Variants in CACNA1H observed in about 807,000 individuals in gnomAD.
CACNA1H encodes the protein voltage-dependent T-type calcium channel subunit alpha-1H.
In CACNA1H, 149 loss-of-function variants were observed where a neutral mutation model predicts 192.5. The observed-to-expected ratio is 0.77, with a 90% CI of 0.68 to 0.89. CACNA1H has a LOEUF of 0.89. Among genes scored for constraint, CACNA1H ranks in the 40% least tolerant of loss-of-function variants. CACNA1H has a pLI of 0.00. For synonymous variants in CACNA1H, 2,202 were observed against 1,475.2 expected, an observed-to-expected ratio of 1.49 and a Z score of -11.29; for missense variants, 4,257 against 3,423.5, an observed-to-expected ratio of 1.24 and a Z score of -6.08.
rs530140454 is a variant in CACNA1H at position 1,195,918 on chromosome 16, G to A, written c.546-8G>A. 2.8e-5 allele frequency: 45 copies of A among 1,608,472 alleles called. No individual in the cohort carries two copies. Among genetic ancestry groups the A allele is most frequent in the Non-Finnish European group, 3.1e-5 (36 of 1,176,610 alleles). On this transcript the variant is annotated splice_polypyrimidine_tract_variant and splice_region_variant and intron_variant, in intron 4 of 34. Transcript: ENST00000348261. The stretch of plus-strand genomic sequence containing the variant: ...TGTTGAGCTGCTCCCCCTCGGCCCC[G>A]CCCCCAGCATGATGGAGTACTCGTT...
At chr16:1,193,916 G>C (rs894001545) in intron 2 of CACNA1H, among the ~76,000 whole-genome samples, 6 of 152,242 alleles carry the variant, frequency 3.9e-5, no homozygotes, top group Admixed American at 6.5e-5. Context: ...TGCCCTTCCT[G>C]TGATCCCTGA....
At position 1,207,763 on chromosome 16, in the gene CACNA1H, G is replaced by C; in HGVS notation, c.3064-7G>C. 6.3e-7 allele frequency: 1 copy of C among 1,589,656 alleles called. No homozygotes were observed. Among genetic ancestry groups the C allele is most frequent in the Non-Finnish European group, 8.6e-7 (1 of 1,168,690 alleles). ...CTCATGCCTGCCTTGTGCTTTGTTGGGTTTAGGGCGATGCCAACAGATCCG... is the reference window on the plus strand; with the variant it reads ...CTCATGCCTGCCTTGTGCTTTGTTGCGTTTAGGGCGATGCCAACAGATCCG... On this transcript the variant is annotated splice_region_variant and splice_polypyrimidine_tract_variant and intron_variant, in intron 14 of 34. Coordinates refer to ENST00000348261, the MANE Select transcript of CACNA1H (RefSeq NM_021098.3).
intron 9 of CACNA1H, 97 bp downstream of exon 9, chr16:1,202,549 CTGA>C: frequency 9.4e-7 from 1 of 1,069,154 alleles, no homozygotes; most frequent in Non-Finnish European, 1.3e-6. Context: ...TGTGGGCACT[CTGA>C]TGAGCCCAGC....
At chr16:1,208,258 T>C in intron 16 of CACNA1H, 37 bp downstream of exon 16, 1 of 1,475,772 alleles carries the variant, frequency 6.8e-7, no homozygotes, top group Non-Finnish European at 9.2e-7. Context: ...TCAGGCCCCT[T>C]CAGGTTTTCC....
rs745368829 is a variant in CACNA1H, at chr16:1,206,278, T to C, written c.2778T>C (p.Ile926=). 4.5e-5 allele frequency: 70 copies of C among 1,557,390 alleles called. No individual in the cohort carries two copies. Among genetic ancestry groups the C allele is most frequent in the Non-Finnish European group, 5.8e-5 (67 of 1,151,746 alleles). Residue 926 remains isoleucine, a synonymous_variant, in exon 12 of 35, where the codon ATT becomes ATC. Coordinates refer to ENST00000348261, the MANE Select transcript of CACNA1H (RefSeq NM_021098.3). ...ATFCTLLMLF[I]FIFSILGMHL... ...TCTGCACGCTGCTCATGCTCTTCAT[T>C]TTCATCTTCAGGTGGGCGCAACCCC...
intron 24 of CACNA1H, 70 bp downstream of exon 24, chr16:1,211,875 C>G (rs1969489300): frequency 6.2e-7 from 1 of 1,609,728 alleles, no homozygotes; most frequent in African/African-American, 1.3e-5. Flanking sequence ...CCTCTGGGGA[C>G]TCGGGGGGCC....
Position 1,206,016 on chromosome 16 carries a change from C to A in CACNA1H, c.2604-88C>A, listed in dbSNP as rs117673391. The A allele has an allele frequency of 0.052, 68,434 of 1,306,112 alleles. 2,211 individuals are homozygous for A. The highest frequency in any genetic ancestry group is 0.065 in the Middle Eastern group (252 of 3,882). 80.9% of individuals were successfully genotyped at this position (1,306,112 alleles called of 1,614,324 possible). A position where few individuals can be genotyped will look rare whatever the true frequency, so the allele number is the denominator to read the frequency against. On this transcript the variant is annotated intron_variant, in intron 11 of 34. Transcript: ENST00000348261. ...GGATGCAGCACAGGCCGCTGTGGCT[C>A]CCTGGCTGGTGACCCTGCTTCCAGT...
At chr16:1,211,396 C>T (rs1310187548) in intron 22 of CACNA1H, 85 bp from the exon 23 acceptor site, 2 of 1,606,632 alleles carry the variant, frequency 1.2e-6, no homozygotes, top group Non-Finnish European at 1.7e-6. Context: ...GGAGGGACAG[C>T]TCGGGCCTCA....
At chr16:1,208,891 TCA>T in intron 16 of CACNA1H, 139 bp from the exon 17 acceptor site, 1 of 924,084 alleles carries the variant, frequency 1.1e-6, no homozygotes, top group African/African-American at 1.7e-5. Flanking sequence ...CCCCCTAAAA[TCA>T]CAGCCTCCAC....
At chr16:1,212,285 G>T in intron 25 of CACNA1H, 147 bp downstream of exon 25, 2 of 1,299,980 alleles carry the variant, frequency 1.5e-6, no homozygotes, top group Non-Finnish European at 2.1e-6. Context: ...GCTGGGCCTT[G>T]GAGGGGCTGG....
intron 6 of CACNA1H, 175 bp downstream of exon 6, chr16:1,198,949 CCCATCATGGCTCCG>C: frequency 3.2e-6 from 2 of 625,948 alleles, no homozygotes; most frequent in Non-Finnish European, 5.5e-6. Context: ...GCCCCCACCC[CCCATCATGGCTCCG>C]CCCAGCTGGC....
chr16:1,172,116 T>C (rs1443037944), intron 2 of CACNA1H, among the ~76,000 whole-genome samples: 1 of 151,426 alleles, frequency 6.6e-6, no homozygotes, highest in African/African-American at 2.4e-5. Context: ...GATGCTGGGG[T>C]GGACGGGGCC....
chr16:1,197,375 G>A (rs974887728), intron 5 of CACNA1H, among the ~76,000 whole-genome samples: 80 of 152,342 alleles, frequency 5.3e-4, no homozygotes, highest in African/African-American at 1.8e-3. Flanking sequence ...CTGTTGAAGC[G>A]TGAAGCAACC....
chr16:1,218,038 A>C lies in CACNA1H; in HGVS notation c.5443A>C (p.Lys1815Gln). Residue 1815 changes from lysine to glutamine, a missense_variant and splice_region_variant, in exon 32 of 35, where the codon AAG (lysine) becomes CAG (glutamine). Physicochemically the swap from Lys to Gln is moderately conservative, Grantham distance 53. Transcript: ENST00000348261. ...GGGGGACAACTGGAACGGGATCATG[A>C]AGGTACCCGCCGCGGCCATGCCTCT... ...STGDNWNGIM[K>Q]DTLRECSRED... is the part of the protein sequence containing the mutation. 1 of 1,595,110 alleles carries C rather than the reference A, an allele frequency of 6.3e-7. No individual in the cohort carries two copies. Among genetic ancestry groups the C allele is most frequent in the Non-Finnish European group, 8.5e-7 (1 of 1,169,810 alleles).
At chr16:1,169,267 C>T (rs1213745989) in intron 2 of CACNA1H, among the ~76,000 whole-genome samples, 5 of 152,258 alleles carry the variant, frequency 3.3e-5, no homozygotes, top group African/African-American at 1.2e-4. Context: ...CTGTGGGCGG[C>T]ACCGTCGCTG....
At chr16:1,198,886 C>CCATGTGGCTCCA in intron 6 of CACNA1H, 112 bp downstream of exon 6, 1 of 1,001,126 alleles carries the variant, frequency 1.0e-6, no homozygotes, top group Non-Finnish European at 1.5e-6. Context: ...CGTGCAGTCA[C>CCATGTGGCTCCA]CCGCCCCGCC....
rs1477911032 is a variant in CACNA1H, at chr16:1,221,674, C to G, written c.*680C>G. The G allele has an allele frequency of 2.7e-6, 3 of 1,126,544 alleles. No homozygotes were observed. The highest frequency in any genetic ancestry group is 3.0e-5 in the Admixed American group (1 of 33,530). The allele number at this position is 1,126,544 out of a possible 1,614,324, so 69.8% of individuals were successfully genotyped here. ...CCTTTGTTTCGTGTGCTTTTAAATT[C>G]AGGTTAAATGTTGCAATAATCTGAT... is the stretch of plus-strand genomic sequence containing the variant. On this transcript the variant is annotated 3_prime_UTR_variant, in exon 35 of 35. Coordinates refer to ENST00000348261, the MANE Select transcript of CACNA1H (RefSeq NM_021098.3).
intron 2 of CACNA1H, among the ~76,000 whole-genome samples, chr16:1,190,415 T>C (rs540335160): frequency 1.3e-5 from 2 of 152,298 alleles, no homozygotes; most frequent in South Asian, 4.1e-4. Context: ...GTGTGACACA[T>C]GAGGGCCAGC....
At chr16:1,171,610 C>T (rs1464588106) in intron 2 of CACNA1H, among the ~76,000 whole-genome samples, 2 of 152,196 alleles carry the variant, frequency 1.3e-5, no homozygotes, top group African/African-American at 4.8e-5. Flanking sequence ...TTTTGTCCCT[C>T]GGAGCTGTGG....
Sources: gnomAD v4.1 joint callset for allele counts (sites outside exome capture counted in the v4.1 genomes callset) on GRCh38, gnomAD v4.1.1 for gene constraint, MANE v1.5 for transcripts, NCBI Gene and HGNC (gene_info 2026-07-23, HGNC 2026-07-21) for gene names.